Variants in ZFYVE9 observed in about 807,000 individuals in gnomAD.
The protein encoded by ZFYVE9 is zinc finger FYVE-type containing 9, also known as zinc finger FYVE domain-containing protein 9.
A neutral mutation model predicts 126.7 loss-of-function variants in ZFYVE9; 43 were observed. The ratio of observed to expected loss-of-function variants is 0.34; its 90% CI spans 0.27 to 0.44. The LOEUF (loss-of-function observed/expected upper bound fraction) is 0.44, where lower values mean the gene tolerates loss of function less well. Ranked by LOEUF, ZFYVE9 falls within the 20% of genes least tolerant of loss-of-function variation. The pLI is 1.00. For missense variants in ZFYVE9, 1,476 were observed against 1,697.0 expected, an observed-to-expected ratio of 0.87 and a Z score of 2.29; for synonymous variants, 521 against 597.4, an observed-to-expected ratio of 0.87 and a Z score of 1.87.
chr1:52,261,702 TAGG>T (rs1487318180), intron 4 of ZFYVE9, among the ~76,000 whole-genome samples: 2 of 152,182 alleles, frequency 1.3e-5, no homozygotes, highest in Non-Finnish European at 2.9e-5. Flanking sequence ...ATGTGAAGAT[TAGG>T]AGAACAGTTA....
chr1:52,233,990 AG>A (rs1209757021), intron 3 of ZFYVE9, among the ~76,000 whole-genome samples: 1 of 152,120 alleles, frequency 6.6e-6, no homozygotes, highest in Non-Finnish European at 1.5e-5. Context: ...CTTGTTGGCC[AG>A]GCTGGTCTTA....
At chr1:52,220,912 A>G (rs1645118997) in intron 2 of ZFYVE9, among the ~76,000 whole-genome samples, 1 of 152,206 alleles carries the variant, frequency 6.6e-6, no homozygotes, top group Admixed American at 6.5e-5. Context: ...CCTGGCTTTC[A>G]AAAGATGGAT....
intron 2 of ZFYVE9, among the ~76,000 whole-genome samples, chr1:52,217,216 G>C (rs1572107647): frequency 1.3e-5 from 2 of 152,320 alleles, no homozygotes; most frequent in East Asian, 3.9e-4. Context: ...CTATTGGCTA[G>C]GGTTGGATTG....
At chr1:52,188,235 G>A (rs12408107) in intron 1 of ZFYVE9, among the ~76,000 whole-genome samples, 147,689 of 152,194 alleles carry the variant, frequency 0.97, 71,675 homozygotes, top group East Asian at 1. Context: ...AACAGAAACC[G>A]TATACCACGT....
chr1:52,219,749 T>TTGTGTGTGTGTG lies in ZFYVE9; in HGVS notation c.-37+3318_-37+3329dup, dbSNP rs56340178. ...ATAGAGCATTTCAGGCCAAGATCTT[T>TTGTGTGTGTGTG]TGTGTGTGTGTGTGTGTGTGTGTGT... On this transcript the variant is annotated intron_variant, in intron 2 of 18. Transcript: ENST00000287727. Among the ~76,000 whole-genome samples the TTGTGTGTGTGTG allele has an allele frequency of 3.1e-3, 350 of 113,334 alleles. 6 individuals are homozygous for TTGTGTGTGTGTG. The highest frequency in any genetic ancestry group is 7.4e-3 in the East Asian group (27 of 3,638). The allele number at this position is 113,334 out of a possible 152,430, so 74.4% of individuals were successfully genotyped here. A position where few individuals can be genotyped will look rare whatever the true frequency, so the allele number is the denominator to read the frequency against.
chr1:52,151,620 A>G lies in ZFYVE9; in HGVS notation c.-143+9217A>G, dbSNP rs1036042763. 8.6e-5 allele frequency among the ~76,000 whole-genome samples: 13 copies of G among 151,496 alleles called. 1 individual carries two copies. The highest frequency in any genetic ancestry group is 3.9e-4 in the Admixed American group (6 of 15,204). On this transcript the variant is annotated intron_variant, in intron 1 of 18. Coordinates refer to ENST00000287727, the MANE Select transcript of ZFYVE9 (RefSeq NM_004799.4). ...AACCTCTGCCTCCCGGGTTCAAGCA[A>G]TTCTCCTGCCTCAGCCTCCCGAGTA...
intron 1 of ZFYVE9, among the ~76,000 whole-genome samples, chr1:52,149,684 G>A (rs1046840003): frequency 6.6e-6 from 1 of 152,046 alleles, no homozygotes; most frequent in Non-Finnish European, 1.5e-5. Context: ...TAGTAGAGAC[G>A]GGGTTTCACT....
chr1:52,208,487 G>A lies in ZFYVE9; in HGVS notation c.-142-7882G>A, dbSNP rs567400552. The stretch of plus-strand genomic sequence containing the variant: ...AAAACCTTGAGAAAACATGGTTTAA[G>A]TCTGAATTGTTCTTCTTTTTTTTTT... On this transcript the variant is annotated intron_variant, in intron 1 of 18. Transcript: ENST00000287727. Among the ~76,000 whole-genome samples the A allele has an allele frequency of 3.3e-5, 5 of 150,716 alleles. No homozygotes were observed. In the South Asian group the frequency reaches 1.0e-3, roughly 31 times the overall value.
intron 2 of ZFYVE9, among the ~76,000 whole-genome samples, chr1:52,216,719 G>A (rs1049355934): frequency 2.6e-5 from 4 of 152,088 alleles, no homozygotes; most frequent in South Asian, 2.1e-4. Context: ...TGGCTCCTTC[G>A]TTTTAGAGTT....
intron 1 of ZFYVE9, among the ~76,000 whole-genome samples, chr1:52,161,619 A>G (rs531994465): frequency 1.3e-5 from 2 of 152,340 alleles, no homozygotes; most frequent in East Asian, 1.9e-4. Flanking sequence ...TTTTAAATAC[A>G]TCTTTCATAG....
chr1:52,270,806 T>C (rs1248851404), intron 7 of ZFYVE9, among the ~76,000 whole-genome samples: 1 of 152,090 alleles, frequency 6.6e-6, no homozygotes, highest in African/African-American at 2.4e-5. Context: ...TTTTTTTTTT[T>C]TCTCATGACT....
At chr1:52,332,633 C>T in intron 13 of ZFYVE9, 135 bp from the exon 14 acceptor site, 1 of 1,024,592 alleles carries the variant, frequency 9.8e-7, no homozygotes, top group Non-Finnish European at 1.4e-6. Flanking sequence ...TACTTTGTTT[C>T]ATTATTTGGT....
At chr1:52,333,016 G>A in intron 14 of ZFYVE9, 98 bp downstream of exon 14, 1 of 1,457,772 alleles carries the variant, frequency 6.9e-7, no homozygotes, top group Non-Finnish European at 9.4e-7. Flanking sequence ...TTCTAGATAG[G>A]TGACCACAAA....
chr1:52,336,111 G>GCGA (rs1024622342), intron 15 of ZFYVE9, among the ~76,000 whole-genome samples: 12 of 151,932 alleles, frequency 7.9e-5, no homozygotes, highest in African/African-American at 2.9e-4. Context: ...TCCAGCCTGG[G>GCGA]CGACAGAGTG....
At chr1:52,267,685 T>C (rs1443314975) in intron 6 of ZFYVE9, among the ~76,000 whole-genome samples, 1 of 152,216 alleles carries the variant, frequency 6.6e-6, no homozygotes, top group Non-Finnish European at 1.5e-5. Context: ...TCATACTCCT[T>C]GTATTTTTAT....
At chr1:52,281,871 G>A (rs967451895) in intron 10 of ZFYVE9, 55 bp downstream of exon 10, 1 of 1,596,374 alleles carries the variant, frequency 6.3e-7, no homozygotes, top group Admixed American at 1.8e-5. Context: ...AAAAAATTTT[G>A]AATTCAAATA....
rs115955366 is a variant in ZFYVE9 at position 52,245,672 on chromosome 1, G to T, written c.2178+6077G>T. On this transcript the variant is annotated intron_variant, in intron 4 of 18. Transcript: ENST00000287727. ...TAGAACCAAAAGGGAGCTAGCATTT[G>T]TTTAGTGCCTATTCTGTGCTTTATT... Among the ~76,000 whole-genome samples, 1,060 of 152,236 alleles carry T rather than the reference G, an allele frequency of 7.0e-3. 17 individuals carry two copies. Among genetic ancestry groups the T allele is most frequent in the African/African-American group, 0.024 (991 of 41,546 alleles).
At chr1:52,283,347 A>G (rs566124641) in intron 10 of ZFYVE9, among the ~76,000 whole-genome samples, 285 of 152,332 alleles carry the variant, frequency 1.9e-3, no homozygotes, top group Non-Finnish European at 3.5e-3. Context: ...TTCTGTAGGC[A>G]ATGAAGAACC....
chr1:52,171,165 C>G (rs1460130808), intron 1 of ZFYVE9, among the ~76,000 whole-genome samples: 1 of 151,804 alleles, frequency 6.6e-6, no homozygotes, highest in African/African-American at 2.4e-5. Context: ...CCCCACCCCA[C>G]AACAGTCCCC....
Sources: allele counts gnomAD v4.1 joint callset (sites outside exome capture counted in the v4.1 genomes callset), GRCh38; gene constraint gnomAD v4.1.1; transcripts MANE v1.5; gene names NCBI Gene and HGNC (gene_info 2026-07-23, HGNC 2026-07-21).